The following ADARB2 variants were observed in gnomAD, a reference collection of about 807,000 sequenced individuals.
ADARB2 encodes adenosine deaminase RNA specific B2 (inactive).
In ADARB2, 25 loss-of-function variants were observed where a neutral mutation model predicts 62.2. The observed-to-expected ratio is 0.40, with a 90% CI of 0.29 to 0.56. ADARB2 has a LOEUF of 0.56. Ranked by LOEUF, ADARB2 falls within the 20% of genes least tolerant of loss-of-function variation. The probability of loss-of-function intolerance (pLI) is 0.43; values close to 1 mark genes in which losing one functional copy is unlikely to be tolerated. For missense variants in ADARB2, 1,071 were observed against 1,077.4 expected, an observed-to-expected ratio of 0.99 and a Z score of 0.08; for synonymous variants, 572 against 500.8, an observed-to-expected ratio of 1.14 and a Z score of -1.90.
At position 1,717,618 on chromosome 10, in the gene ADARB2, C is replaced by G. The variant is rs375125423; in HGVS notation, c.100+19433G>C. Among the ~76,000 whole-genome samples, 18 of 151,318 alleles carry G rather than the reference C, an allele frequency of 1.2e-4. No individual in the cohort carries two copies. In the East Asian group the frequency reaches 3.1e-3, roughly 26 times the overall value. On this transcript the variant is annotated intron_variant, in intron 1 of 9. Coordinates refer to ENST00000381312, the MANE Select transcript of ADARB2 (RefSeq NM_018702.4). Reference sequence around the variant, plus strand: ...TTTTTGAGACAGTCTCGTTCTGTCACCAAGTCTGGAGTGCAATGGCATGAT... The same window carrying G: ...TTTTTGAGACAGTCTCGTTCTGTCAGCAAGTCTGGAGTGCAATGGCATGAT...
intron 3 of ADARB2, among the ~76,000 whole-genome samples, chr10:1,295,454 C>T (rs756941959): frequency 6.6e-6 from 1 of 152,066 alleles, no homozygotes; most frequent in Non-Finnish European, 1.5e-5. Flanking sequence ...AACAATTTCA[C>T]CAGGAAATGT....
intron 1 of ADARB2, among the ~76,000 whole-genome samples, chr10:1,655,757 G>A (rs189515809): frequency 5.3e-5 from 8 of 152,310 alleles, no homozygotes; most frequent in Admixed American, 3.9e-4. Flanking sequence ...AGTTCATGGA[G>A]GATCCCTTTT....
At chr10:1,437,538 T>C (rs767404824) in intron 1 of ADARB2, among the ~76,000 whole-genome samples, 2 of 152,192 alleles carry the variant, frequency 1.3e-5, no homozygotes, top group Non-Finnish European at 2.9e-5. Flanking sequence ...GTTGTGTGCC[T>C]GGCTGTGCGC....
intron 3 of ADARB2, among the ~76,000 whole-genome samples, chr10:1,314,452 C>CTCCTCCTCT (rs1244399339): frequency 1.6e-3 from 245 of 152,216 alleles, no homozygotes; most frequent in African/African-American, 5.7e-3. Flanking sequence ...CTTCCTCCTC[C>CTCCTCCTCT]TCCTCCTCCT....
chr10:1,633,711 G>A (rs1257596516), intron 1 of ADARB2, among the ~76,000 whole-genome samples: 4 of 152,068 alleles, frequency 2.6e-5, no homozygotes, highest in African/African-American at 9.7e-5. Flanking sequence ...GAATAATGCT[G>A]AGTAGTTTCC....
At chr10:1,655,719 T>A (rs368782821) in intron 1 of ADARB2, among the ~76,000 whole-genome samples, 2 of 152,164 alleles carry the variant, frequency 1.3e-5, no homozygotes, top group Non-Finnish European at 2.9e-5. Flanking sequence ...GAAAATGGCC[T>A]CATGGGCATG....
chr10:1,325,123 TAC>T (rs1318560631), intron 3 of ADARB2, among the ~76,000 whole-genome samples: 6 of 152,196 alleles, frequency 3.9e-5, no homozygotes, highest in Non-Finnish European at 8.8e-5. Flanking sequence ...GAAGGGAAGC[TAC>T]AGTGTCTGCT....
rs71500163 is a variant in ADARB2 at position 1,699,430 on chromosome 10, G to A, written c.100+37621C>T. Among the ~76,000 whole-genome samples the A allele has an allele frequency of 6.2e-4, 30 of 48,070 alleles. 3 individuals are homozygous for A. Among genetic ancestry groups the A allele is most frequent in the African/African-American group, 2.0e-3 (29 of 14,768 alleles). The allele number at this position is 48,070 out of a possible 152,430, so 31.5% of individuals were successfully genotyped here. A position where few individuals can be genotyped will look rare whatever the true frequency, so the allele number is the denominator to read the frequency against. On this transcript the variant is annotated intron_variant, in intron 1 of 9. Coordinates refer to ENST00000381312, the MANE Select transcript of ADARB2 (RefSeq NM_018702.4). ...CCAATACACTCAATCCCACTCCACC[G>A]GGAGACCGGGCACTCGCCAATACAC...
chr10:1,455,614 T>C (rs567685944), intron 1 of ADARB2, among the ~76,000 whole-genome samples: 1 of 152,370 alleles, frequency 6.6e-6, no homozygotes, highest in South Asian at 2.1e-4. Context: ...AGTTTTTTCA[T>C]AGCATTAGAA....
At chr10:1,582,951 G>C (rs1833125705) in intron 1 of ADARB2, among the ~76,000 whole-genome samples, 1 of 152,206 alleles carries the variant, frequency 6.6e-6, no homozygotes, top group African/African-American at 2.4e-5. Flanking sequence ...GGCCTGTCTT[G>C]GAAAGCCCTC....
At chr10:1,384,763 G>C (rs1832511789) in intron 1 of ADARB2, among the ~76,000 whole-genome samples, 1 of 152,290 alleles carries the variant, frequency 6.6e-6, no homozygotes, top group South Asian at 2.1e-4. Context: ...GAGACAACTA[G>C]AATTTGAGGG....
intron 1 of ADARB2, among the ~76,000 whole-genome samples, chr10:1,532,146 A>G (rs952403791): frequency 6.6e-6 from 1 of 152,054 alleles, no homozygotes; most frequent in Non-Finnish European, 1.5e-5. Flanking sequence ...ATCAGCCCGC[A>G]CCATTCCCTG....
At chr10:1,546,939 A>G (rs1008700752) in intron 1 of ADARB2, among the ~76,000 whole-genome samples, 2 of 152,130 alleles carry the variant, frequency 1.3e-5, no homozygotes, top group African/African-American at 2.4e-5. Context: ...GTGCGAACAC[A>G]CTCACTGGTT....
At chr10:1,512,664 T>G (rs1049338491) in intron 1 of ADARB2, among the ~76,000 whole-genome samples, 1 of 152,240 alleles carries the variant, frequency 6.6e-6, no homozygotes, top group African/African-American at 2.4e-5. Context: ...TCCCTCCAAG[T>G]TTCTGCTCTC....
chr10:1,656,262 T>C (rs1208848171), intron 1 of ADARB2, among the ~76,000 whole-genome samples: 1 of 152,210 alleles, frequency 6.6e-6, no homozygotes, highest in Non-Finnish European at 1.5e-5. Flanking sequence ...AGTAGAACAA[T>C]GTATGCTCAT....
Position 1,573,868 on chromosome 10 carries a change from C to T in ADARB2, c.100+163183G>A, listed in dbSNP as rs1832972937. 2.6e-5 allele frequency among the ~76,000 whole-genome samples: 4 copies of T among 152,182 alleles called. 1 individual carries two copies. Among genetic ancestry groups the T allele is most frequent in the Non-Finnish European group, 1.5e-5 (1 of 68,034 alleles). On this transcript the variant is annotated intron_variant, in intron 1 of 9. Transcript: ENST00000381312. ...CGCTGCAGCCAGCTCCTCAACTGGC[C>T]ATAGAGGTCAGTGACACCCAGTAAG...
intron 7 of ADARB2, among the ~76,000 whole-genome samples, chr10:1,206,016 G>A (rs148963554): frequency 5.3e-5 from 8 of 152,066 alleles, no homozygotes; most frequent in African/African-American, 1.9e-4. Context: ...GGTGGTTCAC[G>A]GGGCAGCTGG....
intron 1 of ADARB2, among the ~76,000 whole-genome samples, chr10:1,699,104 G>A (rs956245864): frequency 2.0e-5 from 3 of 152,240 alleles, no homozygotes; most frequent in Non-Finnish European, 2.9e-5. Flanking sequence ...GGCTGACACT[G>A]CAGTGATTTT....
chr10:1,373,475 G>A (rs58703389), intron 2 of ADARB2, among the ~76,000 whole-genome samples: 2 of 152,216 alleles, frequency 1.3e-5, no homozygotes, highest in Non-Finnish European at 2.9e-5. Context: ...GCGTGTACGA[G>A]TGTGTGCCCG....
Sources: allele counts gnomAD v4.1 joint callset (sites outside exome capture counted in the v4.1 genomes callset), GRCh38; gene constraint gnomAD v4.1.1; transcripts MANE v1.5; gene names NCBI Gene and HGNC (gene_info 2026-07-23, HGNC 2026-07-21).